Variants in AOPEP observed in about 807,000 individuals in gnomAD.
AOPEP encodes the protein aminopeptidase O.
AOPEP carries 77 observed loss-of-function variants against 98.1 expected under a neutral mutation model. The observed-to-expected ratio is 0.78, with a 90% confidence interval of 0.65 to 0.95. The LOEUF (loss-of-function observed/expected upper bound fraction) is 0.95, where lower values mean the gene tolerates loss of function less well. Among genes scored for constraint, AOPEP ranks in the 40% least tolerant of loss-of-function variants. AOPEP has a pLI of 0.00. For missense variants in AOPEP, 1,024 were observed against 1,024.7 expected (o/e 1.00, Z 0.01); for synonymous variants, 346 against 365.3 (o/e 0.95, Z 0.60).
intron 1 of AOPEP, among the ~76,000 whole-genome samples, chr9:94,727,972 C>T (rs1183445708): frequency 2.0e-5 from 3 of 152,082 alleles, no homozygotes; most frequent in Non-Finnish European, 2.9e-5. Flanking sequence ...AATTGACTTG[C>T]TAAAAATTCA....
intron 5 of AOPEP, among the ~76,000 whole-genome samples, chr9:94,806,561 C>A (rs1849305953): frequency 6.6e-6 from 1 of 152,120 alleles, no homozygotes; most frequent in African/African-American, 2.4e-5. Flanking sequence ...GTGTGCTTCC[C>A]CTTTGTTGCT....
chr9:94,860,810 C>G (rs897533481), intron 5 of AOPEP, among the ~76,000 whole-genome samples: 3 of 152,172 alleles, frequency 2.0e-5, no homozygotes, highest in Non-Finnish European at 4.4e-5. Context: ...AGCCACTTAG[C>G]ACAGTGCCTG....
downstream of AOPEP, among the ~76,000 whole-genome samples, chr9:95,091,107 G>C (rs2070860889): frequency 1.3e-5 from 2 of 152,246 alleles, no homozygotes; most frequent in Admixed American, 6.5e-5. Context: ...GTGACCCACA[G>C]AGCAGCTGAA....
intron 13 of AOPEP, among the ~76,000 whole-genome samples, chr9:95,023,035 G>A (rs565340482): frequency 1.3e-5 from 2 of 152,170 alleles, no homozygotes; most frequent in Admixed American, 6.5e-5. Flanking sequence ...CCCCTCACCG[G>A]CTTTTTCACG....
At chr9:95,076,319 C>T (rs2069061520) in intron 14 of AOPEP, among the ~76,000 whole-genome samples, 1 of 152,194 alleles carries the variant, frequency 6.6e-6, no homozygotes, top group South Asian at 2.1e-4. Context: ...ACACACTGAT[C>T]TGGACACCCC....
chr9:94,961,346 C>CA (rs1251766645), intron 9 of AOPEP, among the ~76,000 whole-genome samples: 2 of 152,178 alleles, frequency 1.3e-5, no homozygotes, highest in Non-Finnish European at 2.9e-5. Context: ...ATTCTTTCCT[C>CA]TTTCAATAAG....
At chr9:94,968,061 G>A (rs1029966491) in intron 10 of AOPEP, among the ~76,000 whole-genome samples, 3 of 152,182 alleles carry the variant, frequency 2.0e-5, no homozygotes, top group African/African-American at 7.2e-5. Flanking sequence ...CAAGCCAAGC[G>A]CAATCTGTGG....
chr9:94,985,046 C>T (rs76808038), intron 11 of AOPEP, among the ~76,000 whole-genome samples: 7,929 of 152,306 alleles, frequency 0.052, 278 homozygotes, highest in South Asian at 0.11. Context: ...ACAAGCACAC[C>T]GCCTCAGGTG....
chr9:94,943,598 A>T (rs13291618), intron 7 of AOPEP, among the ~76,000 whole-genome samples: 2 of 139,506 alleles, frequency 1.4e-5, no homozygotes, highest in East Asian at 2.0e-4. Flanking sequence ...CATCTCAAAT[A>T]AAAAAAAAAA....
intron 5 of AOPEP, among the ~76,000 whole-genome samples, chr9:94,897,878 C>T (rs900260480): frequency 4.2e-4 from 59 of 141,786 alleles, no homozygotes; most frequent in Admixed American, 3.6e-3. Context: ...CTTGCTCTGT[C>T]GCCCAGGCTG....
rs1186279187 is a variant in AOPEP, at chr9:94,800,818, AC to A, written c.1183del (p.Gln395ArgfsTer25). The A allele has an allele frequency of 1.2e-6, 2 of 1,614,080 alleles. No individual in the cohort carries two copies. The highest frequency in any genetic ancestry group is 1.7e-6 in the Non-Finnish European group (2 of 1,180,008). On this transcript the variant is annotated frameshift_variant, in exon 5 of 17. Coordinates refer to ENST00000375315, the MANE Select transcript of AOPEP (RefSeq NM_001193329.3). LOFTEE classifies it high-confidence loss of function. ...PCRFQNASATTQEIIPHRVFA... is the reference protein window; with the variant it reads ...PCRFQNASATXQEIIPHRVFA... ...CCGCTTCCAGAATGCTTCTGCCACC[AC>A]CCAGGAGATCATTCCTCATCGGGTC... is the stretch of plus-strand genomic sequence containing the variant.
intron 5 of AOPEP, among the ~76,000 whole-genome samples, chr9:94,851,212 T>C (rs1199167475): frequency 6.6e-6 from 1 of 152,212 alleles, no homozygotes; most frequent in African/African-American, 2.4e-5. Context: ...ATTTGGAGCG[T>C]CCTTGCAGGC....
the AOPEP span, chr9:95,126,989 C>T: frequency 2.5e-5 from 6 of 235,348 alleles, no homozygotes; most frequent in South Asian, 2.6e-4. Flanking sequence ...AGGTCAGGCC[C>T]GTGCCTGCAG....
At chr9:95,123,562 C>G in the AOPEP span, 4 of 552,222 alleles carry the variant, frequency 7.2e-6, no homozygotes, top group Non-Finnish European at 1.4e-5. Context: ...CCAAAAAGGG[C>G]CGCGGCCACG....
intron 5 of AOPEP, among the ~76,000 whole-genome samples, chr9:94,806,605 A>G (rs1317365914): frequency 1.3e-5 from 2 of 151,956 alleles, no homozygotes; most frequent in Non-Finnish European, 2.9e-5. Context: ...TTTCTCTTTT[A>G]TTTCAATTAT....
intron 1 of AOPEP, among the ~76,000 whole-genome samples, chr9:94,750,570 C>T (rs1023696684): frequency 2.0e-5 from 3 of 151,704 alleles, no homozygotes; most frequent in African/African-American, 4.8e-5. Flanking sequence ...GGCGACAGAG[C>T]GAGACTCCGT....
At chr9:95,043,657 G>A (rs2065564785) in intron 13 of AOPEP, among the ~76,000 whole-genome samples, 1 of 149,010 alleles carries the variant, frequency 6.7e-6, no homozygotes, top group African/African-American at 2.5e-5. Context: ...TAATTTTTAG[G>A]TTTGTTTTGT....
chr9:94,732,298 A>G (rs963636378), intron 1 of AOPEP, among the ~76,000 whole-genome samples: 4 of 151,934 alleles, frequency 2.6e-5, no homozygotes, highest in Non-Finnish European at 4.4e-5. Context: ...TTATTCATCA[A>G]GTAAGAATGG....
intron 13 of AOPEP, among the ~76,000 whole-genome samples, chr9:95,039,564 C>T (rs1277555465): frequency 6.6e-6 from 1 of 152,106 alleles, no homozygotes; most frequent in Non-Finnish European, 1.5e-5. Context: ...CAGAGTGAGA[C>T]CCTGTCTCAA....
Sources: gnomAD v4.1 joint callset for allele counts (sites outside exome capture counted in the v4.1 genomes callset) on GRCh38, gnomAD v4.1.1 for gene constraint, MANE v1.5 for transcripts, NCBI Gene and HGNC (gene_info 2026-07-23, HGNC 2026-07-21) for gene names.